The following CCDC149 variants were observed in gnomAD, a reference collection of about 807,000 sequenced individuals.
CCDC149 encodes coiled-coil domain containing 149.
A neutral mutation model predicts 59.9 loss-of-function variants in CCDC149; 45 were observed. The ratio of observed to expected loss-of-function variants is 0.75; its 90% CI spans 0.59 to 0.96. CCDC149 has a LOEUF of 0.96. Among genes scored for constraint, CCDC149 ranks in the 40% least tolerant of loss-of-function variants. The probability of loss-of-function intolerance (pLI) is 0.00; values close to 1 mark genes in which losing one functional copy is unlikely to be tolerated. For missense variants in CCDC149, 584 were observed against 664.7 expected (o/e 0.88, Z 1.33); for synonymous variants, 245 against 260.6 (o/e 0.94, Z 0.58).
chr4:24,979,206 C>G (rs1028014073), intron 1 of CCDC149, among the ~76,000 whole-genome samples: 16 of 152,204 alleles, frequency 1.1e-4, no homozygotes, highest in African/African-American at 3.4e-4. Flanking sequence ...TATTTATTAA[C>G]TAACTTTTAT....
intron 1 of CCDC149, among the ~76,000 whole-genome samples, chr4:24,877,767 T>C (rs1173431047): frequency 6.6e-6 from 1 of 152,184 alleles, no homozygotes; most frequent in East Asian, 1.9e-4. Context: ...CTCAGAGTTA[T>C]GAGATTTCTT....
chr4:24,924,598 A>G (rs546654827), intron 1 of CCDC149, among the ~76,000 whole-genome samples: 1 of 152,308 alleles, frequency 6.6e-6, no homozygotes, highest in East Asian at 1.9e-4. Flanking sequence ...AATGCCTTAC[A>G]TGTGGTCTCT....
rs552205680 is a variant in CCDC149 at position 24,937,726 on chromosome 4, A to C, written c.-65+42343T>G. Among the ~76,000 whole-genome samples the C allele has an allele frequency of 3.9e-5, 6 of 152,276 alleles. No individual in the cohort carries two copies. In the East Asian group the frequency reaches 1.2e-3, roughly 29 times the overall value. Reference sequence around the variant, plus strand: ...CTCTGGCTTGTAAGTGATGTGCATCACTTCTATTCACACCTATTGGCCAGA... The same window carrying C: ...CTCTGGCTTGTAAGTGATGTGCATCCCTTCTATTCACACCTATTGGCCAGA... On this transcript the variant is annotated intron_variant, in intron 1 of 12. Transcript: ENST00000389609.
At chr4:24,816,674 C>G (rs1715031879) in intron 12 of CCDC149, among the ~76,000 whole-genome samples, 1 of 151,984 alleles carries the variant, frequency 6.6e-6, no homozygotes, top group Admixed American at 6.5e-5. Flanking sequence ...AGTGTTTTAG[C>G]AAACAATTAT....
chr4:24,925,504 T>C (rs1447119121), intron 1 of CCDC149, among the ~76,000 whole-genome samples: 1 of 152,212 alleles, frequency 6.6e-6, no homozygotes, highest in Non-Finnish European at 1.5e-5. Flanking sequence ...TTGCGGTGTT[T>C]TGTTTCGTTT....
At chr4:24,949,012 T>G (rs1178070117) in intron 1 of CCDC149, among the ~76,000 whole-genome samples, 1 of 152,158 alleles carries the variant, frequency 6.6e-6, no homozygotes, top group Non-Finnish European at 1.5e-5. Flanking sequence ...CAACTAAACC[T>G]CTTTCTTTTA....
chr4:24,808,979 C>G (rs899665275), intron 12 of CCDC149, among the ~76,000 whole-genome samples, 160 bp from the exon 13 acceptor site: 1 of 152,178 alleles, frequency 6.6e-6, no homozygotes, highest in African/African-American at 2.4e-5. Context: ...CAAAGGGGAA[C>G]ACAGGACCCA....
intron 4 of CCDC149, 81 bp from the exon 5 acceptor site, chr4:24,838,353 T>A (rs1716686858): frequency 3.1e-6 from 3 of 969,610 alleles, no homozygotes; most frequent in Non-Finnish European, 5.0e-6. Flanking sequence ...ACTAAGAAAC[T>A]TTTGGAAGAT....
intron 1 of CCDC149, among the ~76,000 whole-genome samples, chr4:24,959,281 G>T (rs73250653): frequency 6.6e-6 from 1 of 151,836 alleles, no homozygotes; most frequent in Admixed American, 6.6e-5. Flanking sequence ...GTCAAAAAAA[G>T]TTTTTTTAAT....
At chr4:24,963,705 T>C (rs554925139) in intron 1 of CCDC149, among the ~76,000 whole-genome samples, 85 of 152,238 alleles carry the variant, frequency 5.6e-4, no homozygotes, top group East Asian at 1.9e-4. Context: ...CATCAATTTA[T>C]ATCTCAATAA....
At chr4:24,902,128 G>A (rs1035834272) in intron 1 of CCDC149, among the ~76,000 whole-genome samples, 7 of 152,222 alleles carry the variant, frequency 4.6e-5, no homozygotes, top group African/African-American at 1.7e-4. Context: ...ACGATAAGTG[G>A]TAGGACTTAG....
chr4:24,931,188 G>GTA (rs968782903), intron 1 of CCDC149, among the ~76,000 whole-genome samples: 144 of 147,860 alleles, frequency 9.7e-4, no homozygotes, highest in African/African-American at 2.2e-3. Context: ...GTATATGTGT[G>GTA]TATATATATA....
At chr4:24,938,143 T>G (rs1722836683) in intron 1 of CCDC149, among the ~76,000 whole-genome samples, 1 of 152,208 alleles carries the variant, frequency 6.6e-6, no homozygotes, top group Non-Finnish European at 1.5e-5. Context: ...CCAAATACTG[T>G]AAATTCATTT....
intron 1 of CCDC149, among the ~76,000 whole-genome samples, chr4:24,890,330 C>G (rs147911776): frequency 6.6e-5 from 10 of 152,044 alleles, no homozygotes; most frequent in African/African-American, 2.4e-4. Flanking sequence ...CCTTTACAGG[C>G]GAAGAAACTA....
At chr4:24,917,131 G>C (rs1472604637), upstream of CCDC149, among the ~76,000 whole-genome samples, 3 of 152,196 alleles carry the variant, frequency 2.0e-5, no homozygotes, top group African/African-American at 4.8e-5. Flanking sequence ...CCAGATACCA[G>C]AGGGGCAGAT....
intron 1 of CCDC149, among the ~76,000 whole-genome samples, chr4:24,957,777 C>T (rs2109359095): frequency 6.6e-6 from 1 of 152,262 alleles, no homozygotes; most frequent in African/African-American, 2.4e-5. Context: ...CTTACAAAAG[C>T]AAAAATATTT....
At chr4:24,908,057 A>G (rs1721640988) in intron 1 of CCDC149, among the ~76,000 whole-genome samples, 1 of 152,178 alleles carries the variant, frequency 6.6e-6, no homozygotes, top group South Asian at 2.1e-4. Context: ...GAGCCCACCC[A>G]AGATGACCTC....
intron 1 of CCDC149, among the ~76,000 whole-genome samples, chr4:24,962,496 C>T (rs367664183): frequency 1.8e-4 from 27 of 152,218 alleles, no homozygotes; most frequent in African/African-American, 5.1e-4. Flanking sequence ...GCGGACTATC[C>T]GCTATACCTG....
At chr4:24,862,545 C>T (rs747013686) in intron 3 of CCDC149, among the ~76,000 whole-genome samples, 21 of 152,186 alleles carry the variant, frequency 1.4e-4, no homozygotes, top group Admixed American at 8.5e-4. Flanking sequence ...AATATACTTA[C>T]ATGATTGCTG....
Sources: gnomAD v4.1 joint callset for allele counts (sites outside exome capture counted in the v4.1 genomes callset) on GRCh38, gnomAD v4.1.1 for gene constraint, MANE v1.5 for transcripts, NCBI Gene and HGNC (gene_info 2026-07-23, HGNC 2026-07-21) for gene names.